The following GULP1 variants were observed in gnomAD, a reference collection of about 807,000 sequenced individuals.
GULP1 encodes the protein GULP PTB domain containing engulfment adaptor 1, also known as PTB domain-containing engulfment adapter protein 1.
Under a neutral mutation model 40.9 loss-of-function variants are expected in GULP1, and 19 were observed. That is an observed-to-expected ratio of 0.46 (90% confidence interval 0.32 to 0.68). The LOEUF (loss-of-function observed/expected upper bound fraction) is 0.68, where lower values mean the gene tolerates loss of function less well. Among genes scored for constraint, GULP1 ranks in the 30% least tolerant of loss-of-function variants. GULP1 has a pLI of 0.03. For synonymous variants in GULP1, 119 were observed against 117.6 expected, an observed-to-expected ratio of 1.01 and a Z score of -0.08; for missense variants, 312 against 362.2, an observed-to-expected ratio of 0.86 and a Z score of 1.12.
At chr2:188,378,527 G>A (rs1291483442) in intron 1 of GULP1, among the ~76,000 whole-genome samples, 1 of 152,178 alleles carries the variant, frequency 6.6e-6, no homozygotes, top group Non-Finnish European at 1.5e-5. Context: ...GGTTCTGCAA[G>A]CTATATACGA....
At chr2:188,420,701 A>G (rs1354288267) in intron 2 of GULP1, among the ~76,000 whole-genome samples, 1 of 152,142 alleles carries the variant, frequency 6.6e-6, no homozygotes, top group Non-Finnish European at 1.5e-5. Flanking sequence ...GTTTTTATGG[A>G]CTTAGAATGT....
At chr2:188,564,740 T>C (rs1697233935) in intron 7 of GULP1, among the ~76,000 whole-genome samples, 1 of 151,920 alleles carries the variant, frequency 6.6e-6, no homozygotes, top group Non-Finnish European at 1.5e-5. Context: ...TAATGTAAAT[T>C]ACCTAGAACA....
chr2:188,498,871 T>C lies in GULP1; in HGVS notation c.90+15379T>C, dbSNP rs983115193. On this transcript the variant is annotated intron_variant, in intron 4 of 11. Transcript: ENST00000409830. ...TTATTTGTAAATTAAATAATATTTTTCTAAAGAAATAAACTTACACAAGAT... is the reference window on the plus strand; with the variant it reads ...TTATTTGTAAATTAAATAATATTTTCCTAAAGAAATAAACTTACACAAGAT... 2.0e-5 allele frequency among the ~76,000 whole-genome samples: 3 copies of C among 151,596 alleles called. No homozygotes were observed. The East Asian group carries it at 5.9e-4, about 30-fold the overall frequency.
At chr2:188,400,434 G>A (rs2052060008) in intron 2 of GULP1, among the ~76,000 whole-genome samples, 1 of 152,182 alleles carries the variant, frequency 6.6e-6, no homozygotes, top group South Asian at 2.1e-4. Context: ...CCATAGTGGG[G>A]TACATTGTTC....
At chr2:188,549,539 T>C (rs1031417505) in intron 7 of GULP1, among the ~76,000 whole-genome samples, 6 of 151,834 alleles carry the variant, frequency 4.0e-5, no homozygotes, top group Admixed American at 1.3e-4. Context: ...ACATAGCTGA[T>C]GGAGATATAA....
intron 2 of GULP1, among the ~76,000 whole-genome samples, chr2:188,386,449 T>C (rs1210268891): frequency 6.6e-6 from 1 of 152,196 alleles, no homozygotes; most frequent in African/African-American, 2.4e-5. Flanking sequence ...ATATATACTT[T>C]GTTGATTTTC....
rs1274846875 is a variant in GULP1, at chr2:188,292,300, G to C, written c.-172+134G>C. 6.5e-6 allele frequency: 1 copy of C among 152,702 alleles called. No homozygotes were observed. The allele number at this position is 152,702 out of a possible 1,614,324, so 9.5% of individuals were successfully genotyped here. On this transcript the variant is annotated intron_variant, in intron 1 of 11. Transcript: ENST00000409830. The surrounding 1 kb of genome is among the most constrained non-coding windows in gnomAD (Gnocchi z 4.0). Reference sequence around the variant, plus strand: ...TCCGGCCACCAGTGCCCGGGAAGGAGGGCGCGGGGCTGCGCGTAGCCGCTG... The same window carrying C: ...TCCGGCCACCAGTGCCCGGGAAGGACGGCGCGGGGCTGCGCGTAGCCGCTG...
chr2:188,392,330 A>C (rs142851220), intron 2 of GULP1, among the ~76,000 whole-genome samples: 1 of 152,118 alleles, frequency 6.6e-6, no homozygotes, highest in African/African-American at 2.4e-5. Context: ...TTAATCTAGA[A>C]GAGTTGTATG....
chr2:188,366,588 C>CTTTTTTTTTTT (rs34745549), intron 1 of GULP1, among the ~76,000 whole-genome samples: 1 of 84,062 alleles, frequency 1.2e-5, no homozygotes, highest in Non-Finnish European at 2.2e-5. Context: ...CAGTTACTTT[C>CTTTTTTTTTTT]TTTTTTTTTT....
At chr2:188,378,818 T>C (rs2048640110) in intron 1 of GULP1, among the ~76,000 whole-genome samples, 1 of 152,184 alleles carries the variant, frequency 6.6e-6, no homozygotes, top group Non-Finnish European at 1.5e-5. Flanking sequence ...ACATTGGGGA[T>C]CACATTTCAA....
intron 1 of GULP1, among the ~76,000 whole-genome samples, chr2:188,362,372 A>C (rs2046213422): frequency 6.6e-6 from 1 of 152,142 alleles, no homozygotes. Flanking sequence ...TGTTTCATAG[A>C]ACTAGTGTTT....
chr2:188,587,062 A>G (rs980501086), intron 10 of GULP1, among the ~76,000 whole-genome samples: 1 of 151,956 alleles, frequency 6.6e-6, no homozygotes, highest in Non-Finnish European at 1.5e-5. Context: ...TTTTCCAATT[A>G]AGGATACATT....
chr2:188,363,395 A>T (rs562544048), intron 1 of GULP1, among the ~76,000 whole-genome samples: 1 of 152,098 alleles, frequency 6.6e-6, no homozygotes, highest in East Asian at 1.9e-4. Context: ...AATTGACTAG[A>T]GTTTAGTTTA....
chr2:188,356,669 C>T (rs1023564364), intron 1 of GULP1, among the ~76,000 whole-genome samples: 1 of 152,042 alleles, frequency 6.6e-6, no homozygotes, highest in Non-Finnish European at 1.5e-5. Flanking sequence ...ACATTCATCA[C>T]AGAAATAGAA....
intron 2 of GULP1, among the ~76,000 whole-genome samples, chr2:188,408,336 T>A (rs1187757382): frequency 2.0e-5 from 3 of 152,156 alleles, no homozygotes; most frequent in Admixed American, 2.0e-4. Context: ...TATTCTGTTA[T>A]AGTAACAGAA....
In GULP1 at chr2:188,297,150, C is replaced by CT. The variant is rs978235219; in HGVS notation, c.-172+4994dup. ...AGTATTGCTAGAAATCCTAGAAATC[C>CT]TTTTTTTTTTCTTTTTTCCAAATTC... On this transcript the variant is annotated intron_variant, in intron 1 of 11. Coordinates refer to ENST00000409830, the MANE Select transcript of GULP1 (RefSeq NM_016315.4). 3.4e-4 allele frequency among the ~76,000 whole-genome samples: 50 copies of CT among 147,846 alleles called. No homozygotes were observed. In the South Asian group the frequency reaches 5.9e-3, roughly 17 times the overall value.
chr2:188,371,764 C>T (rs1268303047), intron 1 of GULP1, among the ~76,000 whole-genome samples: 2 of 152,068 alleles, frequency 1.3e-5, no homozygotes, highest in African/African-American at 2.4e-5. Flanking sequence ...AATTTATTTA[C>T]TTGTCTGTCT....
intron 2 of GULP1, among the ~76,000 whole-genome samples, chr2:188,386,469 G>A (rs193138092): frequency 6.6e-6 from 1 of 152,074 alleles, no homozygotes; most frequent in East Asian, 1.9e-4. Flanking sequence ...CTTTATTATT[G>A]TGTAACAAAT....
At chr2:188,379,116 ACTTTTT>A (rs2048686504) in intron 1 of GULP1, among the ~76,000 whole-genome samples, 1 of 152,096 alleles carries the variant, frequency 6.6e-6, no homozygotes, top group Admixed American at 6.5e-5. Context: ...TTTTTCTCCT[ACTTTTT>A]CTAATCAGAA....
Sources: allele counts gnomAD v4.1 joint callset (sites outside exome capture counted in the v4.1 genomes callset), GRCh38; gene constraint gnomAD v4.1.1; non-coding constraint Gnocchi (gnomAD v3.1); transcripts MANE v1.5; gene names NCBI Gene and HGNC (gene_info 2026-07-23, HGNC 2026-07-21).